MAPK10: variants seen among roughly 807,000 people sequenced by gnomAD.
MAPK10 encodes the protein JNK3 alpha protein kinase.
Under a neutral mutation model 59.3 loss-of-function variants are expected in MAPK10, and 25 were observed. The ratio of observed to expected loss-of-function variants is 0.42; its 90% CI spans 0.31 to 0.59. The LOEUF is 0.59. Ranked by LOEUF, MAPK10 falls within the 20% of genes least tolerant of loss-of-function variation. MAPK10 has a pLI of 0.15. For synonymous variants in MAPK10, 190 were observed against 200.5 expected (o/e 0.95, Z 0.44); for missense variants, 351 against 568.9 (o/e 0.62, Z 3.90).
chr4:86,312,245 A>G (rs1434013571), intron 2 of MAPK10, among the ~76,000 whole-genome samples: 33 of 152,118 alleles, frequency 2.2e-4, no homozygotes, highest in Admixed American at 2.2e-3. Context: ...GACAGAACTA[A>G]TGGTTTTAAA....
chr4:86,142,863 G>A (rs1240025420), intron 4 of MAPK10, among the ~76,000 whole-genome samples: 5 of 152,130 alleles, frequency 3.3e-5, no homozygotes, highest in Non-Finnish European at 7.4e-5. Flanking sequence ...ATGGCATTCA[G>A]CTAACTATAT....
intron 11 of MAPK10, among the ~76,000 whole-genome samples, chr4:86,035,610 T>C (rs1248663688): frequency 6.6e-6 from 1 of 151,518 alleles, no homozygotes; most frequent in Non-Finnish European, 1.5e-5. Flanking sequence ...AAGACACAGA[T>C]TCAGGAATAA....
intron 2 of MAPK10, among the ~76,000 whole-genome samples, chr4:86,278,558 A>G (rs2094672201): frequency 6.6e-6 from 1 of 152,178 alleles, no homozygotes; most frequent in African/African-American, 2.4e-5. Context: ...AAAATGAATA[A>G]AATTTACTAA....
At chr4:86,327,264 T>C (rs2096047805) in intron 2 of MAPK10, 1 of 152,100 alleles carries the variant, frequency 6.6e-6, no homozygotes. Flanking sequence ...CATGAGCCGC[T>C]GTGCCCAGCC....
chr4:86,539,917 G>A (rs970323460), intron 1 of MAPK10, among the ~76,000 whole-genome samples: 3 of 152,182 alleles, frequency 2.0e-5, no homozygotes, highest in African/African-American at 7.2e-5. Context: ...ATGAGTTGTA[G>A]AATGACTAAG....
chr4:86,505,691 A>G (rs540865092), intron 1 of MAPK10, among the ~76,000 whole-genome samples: 2 of 152,146 alleles, frequency 1.3e-5, no homozygotes, highest in Non-Finnish European at 2.9e-5. Flanking sequence ...TCTTTCCATT[A>G]TACAATAATG....
At chr4:86,291,289 G>A (rs933166778) in intron 2 of MAPK10, among the ~76,000 whole-genome samples, 2 of 152,220 alleles carry the variant, frequency 1.3e-5, no homozygotes, top group African/African-American at 4.8e-5. Context: ...AATCTAGCTT[G>A]ATAATCTACC....
intron 1 of MAPK10, among the ~76,000 whole-genome samples, chr4:86,365,431 C>CA (rs70948789): frequency 0.011 from 346 of 32,444 alleles, 96 homozygotes; most frequent in African/African-American, 0.024. Flanking sequence ...GACTCTGTCT[C>CA]AAAAAAAAAA....
At chr4:86,185,223 C>A (rs2077906543) in intron 3 of MAPK10, among the ~76,000 whole-genome samples, 1 of 152,044 alleles carries the variant, frequency 6.6e-6, no homozygotes, top group African/African-American at 2.4e-5. Context: ...GAGAGAGGAG[C>A]AAAATTCCAG....
intron 9 of MAPK10, 108 bp downstream of exon 9, chr4:86,098,416 C>G: frequency 6.5e-7 from 1 of 1,538,922 alleles, no homozygotes. Context: ...AATAACACCA[C>G]TTACCCAACT....
intron 1 of MAPK10, among the ~76,000 whole-genome samples, chr4:86,524,324 T>C (rs1757317321): frequency 6.6e-6 from 1 of 152,230 alleles, no homozygotes; most frequent in Non-Finnish European, 1.5e-5. Context: ...GCTTTCTGGA[T>C]ATCATTTTTA....
intron 1 of MAPK10, among the ~76,000 whole-genome samples, chr4:86,370,365 A>C (rs1322716029): frequency 6.6e-6 from 1 of 152,152 alleles, no homozygotes; most frequent in Non-Finnish European, 1.5e-5. Flanking sequence ...CTTTCACAAG[A>C]AATAGATAAC....
At chr4:86,575,025 A>C (rs1298719937) in intron 1 of MAPK10, among the ~76,000 whole-genome samples, 1 of 152,206 alleles carries the variant, frequency 6.6e-6, no homozygotes, top group Middle Eastern at 3.2e-3. Flanking sequence ...GGATTCAGTA[A>C]AATAGATTGC....
At chr4:86,271,733 G>T (rs576484539) in intron 2 of MAPK10, among the ~76,000 whole-genome samples, 2 of 151,932 alleles carry the variant, frequency 1.3e-5, no homozygotes, top group Admixed American at 1.3e-4. Context: ...TCAAATGGCA[G>T]CAGCAAAGAG....
chr4:86,446,514 C>G (rs1750062734), intron 1 of MAPK10, among the ~76,000 whole-genome samples: 1 of 152,064 alleles, frequency 6.6e-6, no homozygotes. Flanking sequence ...ACACACATAG[C>G]CCCAGTAAAT....
At position 86,161,758 on chromosome 4, in the gene MAPK10, G is replaced by T. The variant is rs562490418; in HGVS notation, c.67-2291C>A. Among the ~76,000 whole-genome samples the T allele has an allele frequency of 3.9e-5, 6 of 152,054 alleles. 1 individual carries two copies. In the South Asian group the frequency reaches 1.2e-3, roughly 32 times the overall value. On this transcript the variant is annotated intron_variant, in intron 3 of 13. Transcript: ENST00000641462. ...TTATTCCCTTCACTTTGGAAGTGTG[G>T]CTTTCTCAACTGTATTGCATGTATA...
At chr4:86,375,225 T>G (rs1159449196) in intron 1 of MAPK10, among the ~76,000 whole-genome samples, 2 of 152,056 alleles carry the variant, frequency 1.3e-5, no homozygotes, top group Non-Finnish European at 2.9e-5. Flanking sequence ...AGCAATATAT[T>G]TTGTGAGAAA....
Position 86,011,494 on chromosome 4 carries a change from AC to A in MAPK10, c.*5733del. On this transcript the variant is annotated 3_prime_UTR_variant, in exon 14 of 14. Coordinates refer to ENST00000641462, the MANE Select transcript of MAPK10 (RefSeq NM_138982.4). ...AATCTTCAAGAAAAGCAAGTCCAAC[AC>A]CCTTTTTTCTCCTTACTGTGAACTT... is the stretch of plus-strand genomic sequence containing the variant. 6.6e-6 allele frequency: 1 copy of A among 152,304 alleles called. No individual in the cohort carries two copies. The highest frequency in any genetic ancestry group is 2.1e-4 in the South Asian group (1 of 4,820). The allele number at this position is 152,304 out of a possible 1,614,324, so 9.4% of individuals were successfully genotyped here. A position where few individuals can be genotyped will look rare whatever the true frequency, so the allele number is the denominator to read the frequency against.
upstream of MAPK10, among the ~76,000 whole-genome samples, chr4:86,364,676 G>T (rs993771938): frequency 6.6e-6 from 1 of 151,984 alleles, no homozygotes; most frequent in Admixed American, 6.6e-5. Context: ...TCCCATTCCC[G>T]GTTGGATAAA....
Sources: gnomAD v4.1 joint callset for allele counts (sites outside exome capture counted in the v4.1 genomes callset) on GRCh38, gnomAD v4.1.1 for gene constraint, MANE v1.5 for transcripts, NCBI Gene and HGNC (gene_info 2026-07-23, HGNC 2026-07-21) for gene names.